The following EPB41L4A variants were observed in gnomAD, a reference collection of about 807,000 sequenced individuals.
The protein encoded by EPB41L4A is erythrocyte membrane protein band 4.1 like 4A, also known as band 4.1-like protein 4A.
A neutral mutation model predicts 108.6 loss-of-function variants in EPB41L4A; 100 were observed. That is an observed-to-expected ratio of 0.92 (90% CI 0.78 to 1.09). The LOEUF (loss-of-function observed/expected upper bound fraction) is 1.09. Ranked by LOEUF, EPB41L4A falls within the 50% of genes least tolerant of loss-of-function variation. EPB41L4A has a pLI of 0.00. For synonymous variants in EPB41L4A, 319 were observed against 289.0 expected (o/e 1.10, Z -1.05); for missense variants, 1,030 against 842.7 (o/e 1.22, Z -2.75).
At chr5:112,358,947 T>C (rs187082051) in intron 1 of EPB41L4A, among the ~76,000 whole-genome samples, 2 of 152,280 alleles carry the variant, frequency 1.3e-5, no homozygotes, top group East Asian at 1.9e-4. Context: ...CAAAAATATA[T>C]ATATTGTATT....
In EPB41L4A at chr5:112,278,864, G is replaced by A. The variant is rs61553538; in HGVS notation, c.256+1408C>T. Among the ~76,000 whole-genome samples the A allele has an allele frequency of 4.4e-3, 655 of 149,972 alleles. 7 individuals carry two copies. Among genetic ancestry groups the A allele is most frequent in the African/African-American group, 0.016 (633 of 40,746 alleles). On this transcript the variant is annotated intron_variant, in intron 3 of 22. Transcript: ENST00000261486. ...GAGGTCAGGAATTCGAGACCAGCCT[G>A]GCCAACAAGGTGAAACCCCATCTCT...
At position 112,169,018 on chromosome 5, in the gene EPB41L4A, C is replaced by T; in HGVS notation, c.1827G>A (p.Glu609=). 1 of 1,613,814 alleles carries T rather than the reference C, an allele frequency of 6.2e-7. No homozygotes were observed. Among genetic ancestry groups the T allele is most frequent in the Non-Finnish European group, 8.5e-7 (1 of 1,179,698 alleles). ...QYRRSQCSDG[E]RSVLSEVNSK... is the part of the protein sequence containing the mutation. ...ACTTCACTTCCGAGAGAACTGATCGCTCCCCATCTGAACACTGGGACCTGC... is the reference window on the plus strand; with the variant it reads ...ACTTCACTTCCGAGAGAACTGATCGTTCCCCATCTGAACACTGGGACCTGC... Residue 609 remains glutamate (E), a synonymous_variant, in exon 21 of 23, where the codon GAG becomes GAA. Coordinates refer to ENST00000261486, the MANE Select transcript of EPB41L4A (RefSeq NM_022140.5).
chr5:112,147,368 G>A (rs890092635), intron 12 of EPB41L4A, among the ~76,000 whole-genome samples: 2 of 152,082 alleles, frequency 1.3e-5, no homozygotes, highest in Non-Finnish European at 2.9e-5. Flanking sequence ...AGCCGGGTGC[G>A]GTGACTCACG....
intron 1 of EPB41L4A, among the ~76,000 whole-genome samples, chr5:112,323,051 T>A (rs1755906398): frequency 6.7e-6 from 1 of 148,784 alleles, no homozygotes; most frequent in African/African-American, 2.4e-5. Context: ...ATGAAAAAAG[T>A]ATAGTCGTTG....
At chr5:112,253,374 A>T (rs1750831585) in intron 9 of EPB41L4A, among the ~76,000 whole-genome samples, 1 of 152,188 alleles carries the variant, frequency 6.6e-6, no homozygotes, top group African/African-American at 2.4e-5. Flanking sequence ...TCTGTTTTAA[A>T]ACAGTGGGGT....
rs751335815 is a variant in EPB41L4A at position 112,262,545 on chromosome 5, C to T, written c.591G>A (p.Leu197=). 2.7e-5 allele frequency: 44 copies of T among 1,614,024 alleles called. No homozygotes were observed. The highest frequency in any genetic ancestry group is 3.6e-5 in the Non-Finnish European group (43 of 1,180,012). ...ACATCTCCAGGGATTTGGCAGTCCT[C>T]AAGTAATTCAGCTCAGCCTCAGAAG... The part of the protein sequence containing the change: ...QIPSEAELNY[L]RTAKSLEMYG... Residue 197 remains leucine (L), a synonymous_variant, in exon 7 of 23, where the codon TTG becomes TTA. Transcript: ENST00000261486.
chr5:112,362,160 C>G (rs1276320751), intron 1 of EPB41L4A, among the ~76,000 whole-genome samples: 1 of 152,058 alleles, frequency 6.6e-6, no homozygotes, highest in East Asian at 1.9e-4. Context: ...TGCAGTGGTA[C>G]AAGTACAACC....
At chr5:112,188,153 A>G (rs1348965691) in intron 17 of EPB41L4A, among the ~76,000 whole-genome samples, 1 of 152,116 alleles carries the variant, frequency 6.6e-6, no homozygotes, top group African/African-American at 2.4e-5. Context: ...GCCCCAACTG[A>G]TTGTGAACTT....
At chr5:112,398,938 A>G (rs1463416279) in intron 1 of EPB41L4A, among the ~76,000 whole-genome samples, 2 of 152,070 alleles carry the variant, frequency 1.3e-5, no homozygotes, top group Non-Finnish European at 2.9e-5. Context: ...TAGAAAAAAA[A>G]AAAAAAAAGT....
intron 18 of EPB41L4A, among the ~76,000 whole-genome samples, chr5:112,180,339 T>C (rs1453079089): frequency 6.6e-6 from 1 of 152,152 alleles, no homozygotes; most frequent in African/African-American, 2.4e-5. Context: ...AGTCTTACTA[T>C]AAAGCTACAG....
intron 1 of EPB41L4A, among the ~76,000 whole-genome samples, chr5:112,310,525 C>T (rs1470148100): frequency 1.3e-5 from 2 of 152,190 alleles, no homozygotes; most frequent in Non-Finnish European, 2.9e-5. Context: ...GGCCCGAACG[C>T]ATATCCTTAA....
intron 1 of EPB41L4A, among the ~76,000 whole-genome samples, chr5:112,315,566 T>C (rs746851525): frequency 3.9e-5 from 6 of 152,208 alleles, no homozygotes; most frequent in Non-Finnish European, 8.8e-5. Context: ...TTATATCACC[T>C]GATACACAGA....
intron 1 of EPB41L4A, among the ~76,000 whole-genome samples, chr5:112,412,732 A>C (rs1580861340): frequency 6.6e-6 from 1 of 152,228 alleles, no homozygotes; most frequent in East Asian, 1.9e-4. Flanking sequence ...GGAGCTTCAG[A>C]TGTGATTAAA....
At chr5:112,160,146 G>C (rs1386996624), downstream of EPB41L4A, among the ~76,000 whole-genome samples, 1 of 152,056 alleles carries the variant, frequency 6.6e-6, no homozygotes, top group Non-Finnish European at 1.5e-5. Context: ...CCTGACTTCA[G>C]GTGATCACCT....
intron 1 of EPB41L4A, among the ~76,000 whole-genome samples, chr5:112,336,137 TG>T (rs2150680775): frequency 6.6e-6 from 1 of 152,172 alleles, no homozygotes; most frequent in Admixed American, 6.5e-5. Flanking sequence ...GAAACACAAG[TG>T]AAGGCACAAA....
At chr5:112,273,903 T>C (rs1272429219) in intron 4 of EPB41L4A, among the ~76,000 whole-genome samples, 1 of 152,180 alleles carries the variant, frequency 6.6e-6, no homozygotes, top group Admixed American at 6.5e-5. Flanking sequence ...AGATGTGCTC[T>C]GCAAAAGCTT....
chr5:112,226,691 G>C (rs1385239856), intron 12 of EPB41L4A, among the ~76,000 whole-genome samples: 1 of 151,132 alleles, frequency 6.6e-6, no homozygotes, highest in African/African-American at 2.4e-5. Flanking sequence ...AGAGATGTTG[G>C]TGTAAAAAAA....
chr5:112,347,009 C>T (rs1458758745), intron 1 of EPB41L4A, among the ~76,000 whole-genome samples: 1 of 152,192 alleles, frequency 6.6e-6, no homozygotes, highest in African/African-American at 2.4e-5. Flanking sequence ...AGCTGTATAT[C>T]TGACCCTAAA....
chr5:112,387,613 A>C (rs1760653244), intron 1 of EPB41L4A, among the ~76,000 whole-genome samples: 1 of 152,216 alleles, frequency 6.6e-6, no homozygotes, highest in Admixed American at 6.5e-5. Flanking sequence ...TGGGAGACAG[A>C]AAGATTTTCA....
Sources: allele counts gnomAD v4.1 joint callset (sites outside exome capture counted in the v4.1 genomes callset), GRCh38; gene constraint gnomAD v4.1.1; transcripts MANE v1.5; gene names NCBI Gene and HGNC (gene_info 2026-07-23, HGNC 2026-07-21).